PPM1F: variants seen among roughly 807,000 people sequenced by gnomAD.
PPM1F encodes protein phosphatase 1F.
In PPM1F, 17 loss-of-function variants were observed where a neutral mutation model predicts 35.5. The observed-to-expected ratio is 0.48, with a 90% CI of 0.33 to 0.72. The LOEUF is 0.72. PPM1F is among the 30% of genes least tolerant of loss of function. The pLI is 0.02. For missense variants in PPM1F, 521 were observed against 613.0 expected (o/e 0.85, Z 1.59); for synonymous variants, 241 against 255.5 (o/e 0.94, Z 0.54).
chr22:21,938,048 G>T (rs926384828), intron 3 of PPM1F: 23 of 1,219,810 alleles, frequency 1.9e-5, no homozygotes, highest in Non-Finnish European at 2.3e-5. Context: ...GCATGATCAA[G>T]GCCGCTAGGC....
chr22:21,927,942 G>GTTTTGTTTTTTT (rs2070537227), intron 6 of PPM1F, among the ~76,000 whole-genome samples: 1 of 75,126 alleles, frequency 1.3e-5, no homozygotes, highest in Non-Finnish European at 2.3e-5. Flanking sequence ...TTTTTGTTTT[G>GTTTTGTTTTTTT]TTTTTTTTTT....
intron 1 of PPM1F, chr22:21,950,632 GTTTTT>G (rs551023228): frequency 1.1e-4 from 16 of 151,058 alleles, no homozygotes; most frequent in African/African-American, 2.9e-4. Flanking sequence ...TTTTGTTTTT[GTTTTT>G]TTTGAGACAG....
At chr22:21,935,576 A>T (rs1437960175) in intron 3 of PPM1F, 1 of 152,128 alleles carries the variant, frequency 6.6e-6, no homozygotes, top group African/African-American at 2.4e-5. Flanking sequence ...AAGTTTAATT[A>T]AAAAAAACTA....
chr22:21,933,342 C>T, intron 5 of PPM1F, 49 bp downstream of exon 5: 1 of 1,538,832 alleles, frequency 6.5e-7, no homozygotes, highest in Non-Finnish European at 8.8e-7. Context: ...GAGGCTGGGA[C>T]TCTCACTGGC....
chr22:21,929,576 G>C (rs1473562652), intron 6 of PPM1F, among the ~76,000 whole-genome samples: 1 of 152,232 alleles, frequency 6.6e-6, no homozygotes, highest in Non-Finnish European at 1.5e-5. Flanking sequence ...CAGGCAGCAG[G>C]TGGGAGTGGG....
chr22:21,925,245 G>GAGGAGGAT, intron 7 of PPM1F: 1 of 406,630 alleles, frequency 2.5e-6, no homozygotes, highest in Non-Finnish European at 4.3e-6. Context: ...ATGAACGCGG[G>GAGGAGGAT]AGGAGGATAA....
chr22:21,933,376 G>C lies in PPM1F; in HGVS notation c.747+15C>G. The C allele has an allele frequency of 6.3e-7, 1 of 1,590,866 alleles. No individual in the cohort carries two copies. The highest frequency in any genetic ancestry group is 8.6e-7 in the Non-Finnish European group (1 of 1,166,394). On this transcript the variant is annotated intron_variant, in intron 5 of 7. Transcript: ENST00000263212. ...GCCTCCAAACTGCACCTGAGGCCCA[G>C]CGGCCAGTCCTCACCTCTCGCTTGG...
At position 21,923,279 on chromosome 22, in the gene PPM1F, A is replaced by G; in HGVS notation, c.1178T>C (p.Leu393Pro). The G allele has an allele frequency of 6.2e-7, 1 of 1,613,418 alleles. No individual in the cohort carries two copies. Among genetic ancestry groups the G allele is most frequent in the Non-Finnish European group, 8.5e-7 (1 of 1,179,946 alleles). ...GCCCCGCTCCCGGGCCGCAGCCACCAGCTCCTCGGCGACACGGAGCCCGCT... is the reference window on the plus strand; with the variant it reads ...GCCCCGCTCCCGGGCCGCAGCCACCGGCTCCTCGGCGACACGGAGCCCGCT... ...QGSGLRVAEELVAAARERGSH... is the reference protein window; with the variant it reads ...QGSGLRVAEEPVAAARERGSH... The change falls in exon 8 of 8, where the codon CTG (leucine) becomes CCG (proline). Residue 393 changes from leucine to proline, a missense_variant. By Grantham distance (98) the Leu-to-Pro change is moderately conservative (BLOSUM62 -3). Transcript: ENST00000263212.
intron 2 of PPM1F, chr22:21,941,122 C>T (rs970286897): frequency 6.6e-6 from 1 of 152,346 alleles, no homozygotes; most frequent in African/African-American, 2.4e-5. Context: ...GCTATGTTGT[C>T]CAGGCTGGTC....
In PPM1F at chr22:21,933,428, C is replaced by A; in HGVS notation, c.710G>T (p.Arg237Leu). ...TTTCCTGAGAAACATCTGGTCGGTG[C>A]GCCGGAAGGCTTCTCTGAGGGCTCC... is the stretch of plus-strand genomic sequence containing the variant. ...PEGALREAFR[R>L]TDQMFLRKAK... The change falls in exon 5 of 8, where the codon CGC becomes CTC. Residue 237 changes from arginine to leucine, a missense_variant. Physicochemically the swap from Arg to Leu is moderately radical, Grantham distance 102. This residue lies in a region of PPM1F where 311 missense variants were observed against 351.5 expected (regional missense o/e 0.88). Transcript: ENST00000263212. 1 of 1,612,302 alleles carries A rather than the reference C, an allele frequency of 6.2e-7. No homozygotes were observed. The highest frequency in any genetic ancestry group is 1.1e-5 in the South Asian group (1 of 91,070).
At chr22:21,938,033 G>A (rs914907903) in intron 3 of PPM1F, 2 of 1,169,510 alleles carry the variant, frequency 1.7e-6, no homozygotes, top group Non-Finnish European at 1.1e-6. Context: ...TCCGTGACAG[G>A]GAGAGCATGA....
chr22:21,919,788 C>A lies in PPM1F; in HGVS notation c.*3304G>T, dbSNP rs549390567. The A allele has an allele frequency of 1.3e-5, 2 of 152,290 alleles. No individual in the cohort carries two copies. The highest frequency in any genetic ancestry group is 2.4e-5 in the African/African-American group (1 of 41,466). The allele number at this position is 152,290 out of a possible 1,614,324, so 9.4% of individuals were successfully genotyped here. Reference sequence around the variant, plus strand: ...CAACTGGCTTACATTTAGCTTGGGACGAGGCTAGGCCTAAGAAGGGCCAGA... The same window carrying A: ...CAACTGGCTTACATTTAGCTTGGGAAGAGGCTAGGCCTAAGAAGGGCCAGA... On this transcript the variant is annotated 3_prime_UTR_variant, in exon 8 of 8. Coordinates refer to ENST00000263212, the MANE Select transcript of PPM1F (RefSeq NM_014634.4).
At chr22:21,927,248 G>A (rs544703034) in intron 6 of PPM1F, among the ~76,000 whole-genome samples, 3 of 152,332 alleles carry the variant, frequency 2.0e-5, no homozygotes, top group East Asian at 3.9e-4. Context: ...GAAAGGGCAC[G>A]GGGAGAGGCA....
In PPM1F at chr22:21,923,069, G is replaced by A. The variant is rs1457014992; in HGVS notation, c.*23C>T. On this transcript the variant is annotated 3_prime_UTR_variant, in exon 8 of 8. Transcript: ENST00000263212. ...AGAAGGACAAGGATGGGAGGAAGGG[G>A]AGGGCAGGGGCCTGGAAACCACCTA... 1.3e-6 allele frequency: 2 copies of A among 1,568,990 alleles called. No individual in the cohort carries two copies. Among genetic ancestry groups the A allele is most frequent in the Non-Finnish European group, 1.7e-6 (2 of 1,159,514 alleles).
intron 7 of PPM1F, among the ~76,000 whole-genome samples, chr22:21,924,310 C>T (rs1049176592): frequency 4.0e-5 from 6 of 151,674 alleles, no homozygotes; most frequent in Non-Finnish European, 7.4e-5. Flanking sequence ...TCTTGTCGCC[C>T]AGGCTGCAGT....
At chr22:21,937,000 AG>A (rs1274094964) in intron 3 of PPM1F, 1 of 152,290 alleles carries the variant, frequency 6.6e-6, no homozygotes, top group Non-Finnish European at 1.5e-5. Context: ...AAGATCAACC[AG>A]TAACAGGCCC....
At chr22:21,926,515 C>T (rs1418699002) in intron 6 of PPM1F, among the ~76,000 whole-genome samples, 1 of 152,098 alleles carries the variant, frequency 6.6e-6, no homozygotes, top group Admixed American at 6.5e-5. Context: ...GCCTGGGTTC[C>T]TCCAGGGACA....
Position 21,939,388 on chromosome 22 carries a change from T to C in PPM1F, c.355+144A>G. The C allele has an allele frequency of 8.9e-7, 1 of 1,125,846 alleles. No homozygotes were observed. Among genetic ancestry groups the C allele is most frequent in the East Asian group, 2.5e-5 (1 of 39,920 alleles). 69.7% of individuals were successfully genotyped at this position (1,125,846 alleles called of 1,614,324 possible). A position where few individuals can be genotyped will look rare whatever the true frequency, so the allele number is the denominator to read the frequency against. On this transcript the variant is annotated intron_variant, in intron 3 of 7. Coordinates refer to ENST00000263212, the MANE Select transcript of PPM1F (RefSeq NM_014634.4). This position sits in a 1 kb window ranked among gnomAD's most constrained non-coding sequence, Gnocchi z 5.1. ...CTCCACCTCACTGGGGCCGCAAGCC[T>C]TCTCTGCTCCTTGATTCTGCTGCCG... is the stretch of plus-strand genomic sequence containing the variant.
At chr22:21,931,057 C>T in intron 6 of PPM1F, 91 bp downstream of exon 6, 2 of 1,555,872 alleles carry the variant, frequency 1.3e-6, no homozygotes, top group Non-Finnish European at 1.7e-6. Flanking sequence ...TTACTACTAC[C>T]TGAAGTTCCC....
Sources: gnomAD v4.1 joint callset for allele counts (sites outside exome capture counted in the v4.1 genomes callset) on GRCh38, gnomAD v4.1.1 for gene constraint, gnomAD v4.1.1 regional missense constraint, Gnocchi (gnomAD v3.1) non-coding constraint, MANE v1.5 for transcripts, NCBI Gene and HGNC (gene_info 2026-07-23, HGNC 2026-07-21) for gene names.